The following C2orf76 variants were observed in gnomAD, a reference collection of about 807,000 sequenced individuals.
C2orf76 encodes the protein UPF0538 protein C2orf76.
Under a neutral mutation model 16.9 loss-of-function variants are expected in C2orf76, and 23 were observed. That is an observed-to-expected ratio of 1.36 (90% confidence interval 0.98 to 1.93). C2orf76 has a LOEUF of 1.93. Ranked by LOEUF, C2orf76 falls within the 30% of genes most tolerant of loss-of-function variation. The probability of loss-of-function intolerance (pLI) is 0.00; values close to 1 mark genes in which losing one functional copy is unlikely to be tolerated. For missense variants in C2orf76, 152 were observed against 152.6 expected (o/e 1.00, Z 0.02); for synonymous variants, 48 against 52.3 (o/e 0.92, Z 0.35).
chr2:119,313,165 G>A (rs1679051694), intron 4 of C2orf76, among the ~76,000 whole-genome samples: 1 of 152,122 alleles, frequency 6.6e-6, no homozygotes, highest in South Asian at 2.1e-4. Context: ...CTGAGACAGA[G>A]AGTCAACAGA....
chr2:119,364,000 G>A (rs1484815115), intron 1 of C2orf76, among the ~76,000 whole-genome samples: 4 of 151,360 alleles, frequency 2.6e-5, no homozygotes, highest in Non-Finnish European at 4.4e-5. Context: ...CCTGGGTAAT[G>A]GAGTGAGACC....
chr2:119,322,531 T>C (rs763245430), intron 2 of C2orf76, among the ~76,000 whole-genome samples: 5 of 152,138 alleles, frequency 3.3e-5, no homozygotes, highest in African/African-American at 7.2e-5. Context: ...CATAGAACTA[T>C]ACTACACACG....
chr2:119,312,024 A>G (rs1163942970), intron 4 of C2orf76, among the ~76,000 whole-genome samples: 4 of 152,084 alleles, frequency 2.6e-5, no homozygotes, highest in Admixed American at 2.6e-4. Flanking sequence ...ATTGGTAGAA[A>G]AGGGGAGGAG....
chr2:119,289,996 T>C, the C2orf76 span, among the ~76,000 whole-genome samples: 1 of 151,942 alleles, frequency 6.6e-6, no homozygotes, highest in African/African-American at 2.4e-5. Flanking sequence ...TTTTGTACAC[T>C]ATCCAAAGAG....
At chr2:119,329,445 C>T (rs1679605935) in intron 2 of C2orf76, among the ~76,000 whole-genome samples, 1 of 151,996 alleles carries the variant, frequency 6.6e-6, no homozygotes, top group Non-Finnish European at 1.5e-5. Flanking sequence ...ATTGGGACTT[C>T]CTATTATATG....
intron 1 of C2orf76, among the ~76,000 whole-genome samples, chr2:119,343,615 T>C (rs1680105151): frequency 6.6e-6 from 1 of 152,166 alleles, no homozygotes. Context: ...CTGTCTGATA[T>C]ATAAATAAGA....
At chr2:119,303,326 C>T (rs182151544) in intron 5 of C2orf76, among the ~76,000 whole-genome samples, 6 of 152,298 alleles carry the variant, frequency 3.9e-5, no homozygotes, top group Admixed American at 6.5e-5. Context: ...GGAAAGCCTT[C>T]CAGTTATTAA....
chr2:119,350,131 G>GA (rs977573349), intron 1 of C2orf76, among the ~76,000 whole-genome samples: 3 of 145,810 alleles, frequency 2.1e-5, no homozygotes, highest in Non-Finnish European at 3.0e-5. Context: ...TTAAAGGGAG[G>GA]AAAAAAAACC....
intron 5 of C2orf76, among the ~76,000 whole-genome samples, chr2:119,308,762 C>T (rs990273692): frequency 5.9e-5 from 9 of 152,214 alleles, no homozygotes; most frequent in African/African-American, 2.2e-4. Flanking sequence ...CAGGGCTAAC[C>T]CCACCACCCT....
intron 5 of C2orf76, among the ~76,000 whole-genome samples, chr2:119,310,117 C>A (rs562735891): frequency 6.6e-6 from 1 of 152,204 alleles, no homozygotes; most frequent in South Asian, 2.1e-4. Context: ...GAAATATTAC[C>A]CTTTTTTTCA....
intron 5 of C2orf76, chr2:119,311,024 T>G (rs1678967382): frequency 2.3e-6 from 1 of 429,278 alleles, no homozygotes; most frequent in Non-Finnish European, 3.1e-6. Context: ...CAGATCAGCT[T>G]TAGGTGTACA....
chr2:119,359,603 G>C (rs6720464), intron 1 of C2orf76, among the ~76,000 whole-genome samples: 3,477 of 152,304 alleles, frequency 0.023, 90 homozygotes, highest in Admixed American at 0.085. Flanking sequence ...GGATGACTTT[G>C]AGGAGTTCAA....
Position 119,311,314 on chromosome 2 carries a change from T to C in C2orf76, c.304+308A>G, listed in dbSNP as rs1678978734. On this transcript the variant is annotated intron_variant, in intron 5 of 5. Transcript: ENST00000334816. ...CTCCAACCATCGGCTCAAGTGACAATGATAAGAGTAAGTAGACGTGGTACT... is the reference window on the plus strand; with the variant it reads ...CTCCAACCATCGGCTCAAGTGACAACGATAAGAGTAAGTAGACGTGGTACT... 4 of 985,300 alleles carry C rather than the reference T, an allele frequency of 4.1e-6. No individual in the cohort carries two copies. In the South Asian group the frequency reaches 1.9e-4, roughly 46 times the overall value. The allele number at this position is 985,300 out of a possible 1,614,324, so 61.0% of individuals were successfully genotyped here.
intron 3 of C2orf76, among the ~76,000 whole-genome samples, chr2:119,320,838 T>C (rs11679101): frequency 0.39 from 59,302 of 151,994 alleles, 11,948 homozygotes; most frequent in South Asian, 0.5. Flanking sequence ...TATAACATGC[T>C]CAAATTATTG....
At chr2:119,285,008 G>T in the C2orf76 span, among the ~76,000 whole-genome samples, 1 of 152,104 alleles carries the variant, frequency 6.6e-6, no homozygotes, top group Non-Finnish European at 1.5e-5. Flanking sequence ...CAGGATTGTG[G>T]CGGAGATCAG....
the C2orf76 span, among the ~76,000 whole-genome samples, chr2:119,286,106 G>C: frequency 0.012 from 1,750 of 151,710 alleles, 29 homozygotes; most frequent in African/African-American, 0.04. Flanking sequence ...GGCACCTGTA[G>C]TCCCAGCTAC....
chr2:119,318,171 T>TG (rs1404859403), intron 3 of C2orf76, among the ~76,000 whole-genome samples: 1 of 152,210 alleles, frequency 6.6e-6, no homozygotes, highest in Admixed American at 6.5e-5. Context: ...TCTCCACACT[T>TG]GGGTAAAATT....
intron 5 of C2orf76, among the ~76,000 whole-genome samples, chr2:119,307,387 C>T (rs1022810936): frequency 1.3e-5 from 2 of 151,454 alleles, no homozygotes; most frequent in Admixed American, 6.6e-5. Context: ...TGCAGTGAGC[C>T]GAGATCGTGC....
intron 2 of C2orf76, among the ~76,000 whole-genome samples, chr2:119,329,328 G>T (rs1679602517): frequency 6.6e-6 from 1 of 152,120 alleles, no homozygotes; most frequent in Non-Finnish European, 1.5e-5. Context: ...TACTAATACA[G>T]TCCCTCCACT....
Sources: gnomAD v4.1 joint callset for allele counts (sites outside exome capture counted in the v4.1 genomes callset) on GRCh38, gnomAD v4.1.1 for gene constraint, MANE v1.5 for transcripts, NCBI Gene and HGNC (gene_info 2026-07-23, HGNC 2026-07-21) for gene names.